The following NALCN variants were observed in gnomAD, a reference collection of about 807,000 sequenced individuals.
The protein encoded by NALCN is sodium leak channel, non-selective, also known as sodium leak channel NALCN.
In NALCN, 111 loss-of-function variants were observed where a neutral mutation model predicts 225.3. That is an observed-to-expected ratio of 0.49 (90% CI 0.42 to 0.58). The LOEUF is 0.58. NALCN is among the 20% of genes least tolerant of loss of function. The probability of loss-of-function intolerance (pLI) is 0.00; values close to 1 mark genes in which losing one functional copy is unlikely to be tolerated. For synonymous variants in NALCN, 764 were observed against 769.0 expected (o/e 0.99, Z 0.11); for missense variants, 1,378 against 2,202.4 (o/e 0.63, Z 7.49).
In NALCN at chr13:101,180,026, G is replaced by A. The variant is rs932889145; in HGVS notation, c.1765-3652C>T. ...TCTTTTGTGTCTTACAAGGACGCTT[G>A]TCATTGGACTTAGGGCCCACCCAGA... On this transcript the variant is annotated intron_variant, in intron 14 of 43. Coordinates refer to ENST00000251127, the MANE Select transcript of NALCN (RefSeq NM_052867.4). 3.9e-5 allele frequency among the ~76,000 whole-genome samples: 6 copies of A among 152,086 alleles called. No individual in the cohort carries two copies. The East Asian group carries it at 7.7e-4, about 20-fold the overall frequency.
At chr13:101,067,657 A>G (rs1594132013) in intron 39 of NALCN, among the ~76,000 whole-genome samples, 1 of 152,182 alleles carries the variant, frequency 6.6e-6, no homozygotes, top group Admixed American at 6.5e-5. Context: ...TGATTCCTAC[A>G]GAGTCCCTTT....
intron 11 of NALCN, among the ~76,000 whole-genome samples, chr13:101,256,763 T>C (rs892854671): frequency 9.5e-6 from 1 of 104,832 alleles, no homozygotes; most frequent in East Asian, 3.4e-4. Flanking sequence ...GGCTTCTTTC[T>C]GCTTTTTTTT....
chr13:101,192,636 G>A (rs1011812372), intron 13 of NALCN, among the ~76,000 whole-genome samples: 15 of 151,762 alleles, frequency 9.9e-5, no homozygotes, highest in Admixed American at 6.6e-5. Context: ...AAGGCACAGG[G>A]TCAAGATCAT....
intron 7 of NALCN, among the ~76,000 whole-genome samples, chr13:101,325,193 CT>C (rs1367397111): frequency 6.6e-6 from 1 of 152,152 alleles, no homozygotes; most frequent in Non-Finnish European, 1.5e-5. Flanking sequence ...AACAAATGGG[CT>C]GACTTTATGA....
chr13:101,062,252 C>G, intron 40 of NALCN, 134 bp from the exon 41 acceptor site: 1 of 986,118 alleles, frequency 1.0e-6, no homozygotes, highest in Non-Finnish European at 1.5e-6. Flanking sequence ...TCGCCACCCG[C>G]ATGTCTTGGG....
chr13:101,399,036 G>C lies in NALCN; in HGVS notation c.91C>G (p.Leu31Val), dbSNP rs1303333396. The change falls in exon 2 of 44, where the codon CTC becomes GTC. Residue 31 changes from leucine to valine, a missense_variant. Physicochemically the swap from Leu to Val is conservative, Grantham distance 32. This residue lies in a region of NALCN where 146 missense variants were observed against 205.9 expected (regional missense o/e 0.71). Coordinates refer to ENST00000251127, the MANE Select transcript of NALCN (RefSeq NM_052867.4). ...DESLSDNADI[L>V]WINKPWVHSL... The stretch of plus-strand genomic sequence containing the variant: ...AAACTTACTGGTTTGTTAATCCAGA[G>C]GATGTCAGCATTATCCGACAGAGAC... The C allele has an allele frequency of 6.3e-7, 1 of 1,590,436 alleles. No individual in the cohort carries two copies. The highest frequency in any genetic ancestry group is 2.2e-5 in the East Asian group (1 of 44,742).
chr13:101,375,074 C>T (rs181640909), intron 6 of NALCN, among the ~76,000 whole-genome samples: 234 of 152,196 alleles, frequency 1.5e-3, no homozygotes, highest in Middle Eastern at 0.01. Context: ...CACACTCTTA[C>T]AAGTTTAAAT....
At chr13:101,294,561 T>C (rs994706653) in intron 7 of NALCN, among the ~76,000 whole-genome samples, 15 of 99,864 alleles carry the variant, frequency 1.5e-4, no homozygotes, top group African/African-American at 6.9e-4. Flanking sequence ...TTATTGTTTC[T>C]TTTTTTTTTT....
chr13:101,309,175 T>C (rs1253172541), intron 7 of NALCN, among the ~76,000 whole-genome samples: 1 of 152,170 alleles, frequency 6.6e-6, no homozygotes, highest in Non-Finnish European at 1.5e-5. Flanking sequence ...GCCAAAATAA[T>C]GCTATTTTTA....
chr13:101,302,090 T>G (rs531010695), intron 7 of NALCN, among the ~76,000 whole-genome samples: 20 of 152,342 alleles, frequency 1.3e-4, no homozygotes, highest in African/African-American at 3.8e-4. Context: ...GAAGTTCGCA[T>G]AATGTTAAGA....
intron 13 of NALCN, among the ~76,000 whole-genome samples, chr13:101,213,796 A>C (rs899145072): frequency 1.8e-4 from 27 of 152,200 alleles, no homozygotes; most frequent in Non-Finnish European, 2.9e-4. Flanking sequence ...AGGAAACAAC[A>C]GGTGCTGGAG....
At chr13:101,257,419 T>C (rs139097586) in intron 11 of NALCN, among the ~76,000 whole-genome samples, 1,813 of 152,310 alleles carry the variant, frequency 0.012, 18 homozygotes, top group Middle Eastern at 0.031. Flanking sequence ...GTTAGGTACA[T>C]GCAATCAATT....
chr13:101,416,015 G>T (rs1184375882), intron 1 of NALCN, among the ~76,000 whole-genome samples: 2 of 152,112 alleles, frequency 1.3e-5, no homozygotes, highest in Non-Finnish European at 2.9e-5. Context: ...TCCCGCGGCA[G>T]GCGCCCCCGA....
At chr13:101,231,075 T>C (rs2041328316) in intron 12 of NALCN, among the ~76,000 whole-genome samples, 1 of 152,166 alleles carries the variant, frequency 6.6e-6, no homozygotes, top group African/African-American at 2.4e-5. Flanking sequence ...AGCCTAGGTA[T>C]ATAGTGGGCT....
chr13:101,267,765 C>A (rs977594901), intron 10 of NALCN, among the ~76,000 whole-genome samples: 1 of 152,162 alleles, frequency 6.6e-6, no homozygotes, highest in African/African-American at 2.4e-5. Context: ...CAGCTGTAGT[C>A]AGCTGAGATT....
At chr13:101,378,030 T>C (rs2046743743) in intron 4 of NALCN, among the ~76,000 whole-genome samples, 1 of 152,128 alleles carries the variant, frequency 6.6e-6, no homozygotes, top group Non-Finnish European at 1.5e-5. Context: ...CTAATACCTA[T>C]CCAAATATGG....
At chr13:101,368,249 C>A (rs569445971) in intron 6 of NALCN, among the ~76,000 whole-genome samples, 4 of 148,462 alleles carry the variant, frequency 2.7e-5, no homozygotes, top group African/African-American at 1.0e-4. Flanking sequence ...TGAGAATATG[C>A]GGTGTTTGGT....
rs2040157536 is a variant in NALCN at position 101,202,412 on chromosome 13, C to T, written c.1627-10358G>A. On this transcript the variant is annotated intron_variant, in intron 13 of 43. Coordinates refer to ENST00000251127, the MANE Select transcript of NALCN (RefSeq NM_052867.4). ...TTACTATGGCTAAACTAAATTGTAC[C>T]TAAATACACATAGTGTGGATTTGGA... Among the ~76,000 whole-genome samples the T allele has an allele frequency of 2.0e-5, 3 of 152,084 alleles. No homozygotes were observed. The South Asian group carries it at 6.2e-4, about 32-fold the overall frequency.
intron 15 of NALCN, among the ~76,000 whole-genome samples, chr13:101,155,491 T>G (rs1435635807): frequency 1.3e-5 from 2 of 152,202 alleles, no homozygotes; most frequent in African/African-American, 4.8e-5. Context: ...ATGATTAGAC[T>G]GAGCTTATAC....
Sources: gnomAD v4.1 joint callset for allele counts (sites outside exome capture counted in the v4.1 genomes callset) on GRCh38, gnomAD v4.1.1 for gene constraint, gnomAD v4.1.1 regional missense constraint, MANE v1.5 for transcripts, NCBI Gene and HGNC (gene_info 2026-07-23, HGNC 2026-07-21) for gene names.